SUCLG2: variants seen among roughly 807,000 people sequenced by gnomAD.
The protein encoded by SUCLG2 is succinate--CoA ligase [GDP-forming] subunit beta, mitochondrial.
Under a neutral mutation model 47.9 loss-of-function variants are expected in SUCLG2, and 42 were observed. The observed-to-expected ratio is 0.88, with a 90% CI of 0.69 to 1.14. The LOEUF is 1.14. Among genes scored for constraint, SUCLG2 ranks in the 50% most tolerant of loss-of-function variants. The pLI, the probability that SUCLG2 is intolerant of heterozygous loss-of-function variation, is 0.00. For missense variants in SUCLG2, 571 were observed against 525.9 expected, an observed-to-expected ratio of 1.09 and a Z score of -0.84; for synonymous variants, 195 against 197.3, an observed-to-expected ratio of 0.99 and a Z score of 0.10.
At chr3:67,487,940 T>C (rs1174810189) in intron 9 of SUCLG2, among the ~76,000 whole-genome samples, 1 of 152,072 alleles carries the variant, frequency 6.6e-6, no homozygotes, top group African/African-American at 2.4e-5. Flanking sequence ...AACAGAGCAC[T>C]AGGTTAAGTA....
intron 2 of SUCLG2, among the ~76,000 whole-genome samples, chr3:67,584,951 G>C (rs910902315): frequency 6.6e-6 from 1 of 152,026 alleles, no homozygotes; most frequent in Admixed American, 6.6e-5. Flanking sequence ...AGGATTATGG[G>C]AACTAAAATT....
intron 2 of SUCLG2, among the ~76,000 whole-genome samples, chr3:67,597,887 A>G (rs1047756058): frequency 7.2e-5 from 11 of 151,736 alleles, no homozygotes; most frequent in Non-Finnish European, 1.5e-4. Flanking sequence ...GCAGTCAGCC[A>G]AGATCGTGCC....
At chr3:67,560,538 G>A (rs1012663549) in intron 2 of SUCLG2, among the ~76,000 whole-genome samples, 1 of 152,182 alleles carries the variant, frequency 6.6e-6, no homozygotes, top group African/African-American at 2.4e-5. Context: ...TCTCAACCAG[G>A]AAGGTAAGTA....
At chr3:67,460,586 G>A (rs533211668) in intron 9 of SUCLG2, among the ~76,000 whole-genome samples, 13 of 152,148 alleles carry the variant, frequency 8.5e-5, no homozygotes, top group Admixed American at 8.5e-4. Flanking sequence ...TTCCCCTGAT[G>A]AGGTCATTAA....
chr3:67,408,748 A>C, intron 9 of SUCLG2: 1 of 1,335,860 alleles, frequency 7.5e-7, no homozygotes. Context: ...TTGAGTGTTA[A>C]TTTTCCTAGG....
intron 2 of SUCLG2, among the ~76,000 whole-genome samples, chr3:67,529,814 T>C (rs868600980): frequency 7.2e-5 from 11 of 152,226 alleles, no homozygotes; most frequent in African/African-American, 2.7e-4. Context: ...AATCTTTGTT[T>C]CTCATCACAC....
At chr3:67,404,437 G>C (rs903175073) in intron 9 of SUCLG2, among the ~76,000 whole-genome samples, 6 of 112,022 alleles carry the variant, frequency 5.4e-5, no homozygotes, top group Admixed American at 2.2e-4. Context: ...AAAGGAGAGT[G>C]AGAAGTCATG....
At chr3:67,538,880 A>T (rs900396676) in intron 2 of SUCLG2, among the ~76,000 whole-genome samples, 3 of 152,102 alleles carry the variant, frequency 2.0e-5, no homozygotes, top group Non-Finnish European at 4.4e-5. Context: ...GGTGTATAGG[A>T]ATGCTTGTGA....
chr3:67,576,919 A>AT (rs1203306744), intron 2 of SUCLG2, among the ~76,000 whole-genome samples: 3 of 79,222 alleles, frequency 3.8e-5, no homozygotes, highest in Non-Finnish European at 1.2e-4. Context: ...TTTAATTTTT[A>AT]TTTTATTTTT....
At chr3:67,367,397 AG>A (rs1428115471) in intron 10 of SUCLG2, among the ~76,000 whole-genome samples, 2 of 152,320 alleles carry the variant, frequency 1.3e-5, no homozygotes, top group African/African-American at 4.8e-5. Context: ...AATGTGTAAA[AG>A]CATTTGTATC....
At chr3:67,537,110 G>T (rs1706565950) in intron 2 of SUCLG2, among the ~76,000 whole-genome samples, 4 of 152,196 alleles carry the variant, frequency 2.6e-5, no homozygotes, top group Middle Eastern at 3.4e-3. Context: ...TTGTTACATA[G>T]GTATACATGA....
At chr3:67,415,685 G>A (rs1337559707) in intron 9 of SUCLG2, among the ~76,000 whole-genome samples, 1 of 152,146 alleles carries the variant, frequency 6.6e-6, no homozygotes, top group East Asian at 1.9e-4. Context: ...ATATACACCA[G>A]ATGCAACACA....
rs771132307 is a variant in SUCLG2 at position 67,495,880 on chromosome 3, G to A, written c.980C>T (p.Pro327Leu). 1 of 1,614,052 alleles carries A rather than the reference G, an allele frequency of 6.2e-7. No homozygotes were observed. The highest frequency in any genetic ancestry group is 1.7e-5 in the Admixed American group (1 of 59,990). The part of the protein sequence containing the change: ...CDIIFLNGGK[P>L]ANFLDLGGGV... ...ACCTCCAAGATCCAAGAAGTTGGCT[G>A]GCTTCCCACCATTAAGGAAAATGAT... Residue 327 changes from proline to leucine, a missense_variant, in exon 9 of 11, where the codon CCA becomes CTA. Transcript: ENST00000307227.
rs181096797 is a variant in SUCLG2, at chr3:67,575,950, G to A, written c.226+33505C>T. On this transcript the variant is annotated intron_variant, in intron 2 of 10. Coordinates refer to ENST00000307227, the MANE Select transcript of SUCLG2 (RefSeq NM_003848.4). ...CTAAAGGACTGAAACAGAGAAACTAGGCACTTATCATCAGGCCATTCTTGT... is the reference window on the plus strand; with the variant it reads ...CTAAAGGACTGAAACAGAGAAACTAAGCACTTATCATCAGGCCATTCTTGT... 3.6e-3 allele frequency among the ~76,000 whole-genome samples: 555 copies of A among 152,302 alleles called. 2 individuals are homozygous for A. Among genetic ancestry groups the A allele is most frequent in the African/African-American group, 0.013 (527 of 41,560 alleles).
At position 67,375,383 on chromosome 3, in the gene SUCLG2, G is replaced by A. The variant is rs1174405583; in HGVS notation, c.*361C>T. 1 of 992,486 alleles carries A rather than the reference G, an allele frequency of 1.0e-6. No individual in the cohort carries two copies. The highest frequency in any genetic ancestry group is 1.7e-5 in the African/African-American group (1 of 57,376). The allele number at this position is 992,486 out of a possible 1,614,324, so 61.5% of individuals were successfully genotyped here. On this transcript the variant is annotated 3_prime_UTR_variant, in exon 11 of 11. Coordinates refer to ENST00000307227, the MANE Select transcript of SUCLG2 (RefSeq NM_003848.4). ...TCTGTTTTTCTTTTTCATTATGTAG[G>A]ATTAGATGCCCACCAAAATTCTTGT...
At chr3:67,521,683 A>G (rs758004749) in intron 4 of SUCLG2, among the ~76,000 whole-genome samples, 17 of 151,496 alleles carry the variant, frequency 1.1e-4, no homozygotes, top group African/African-American at 3.4e-4. Context: ...GCTCCCTACA[A>G]CCTCTGCCTC....
chr3:67,496,032 A>T, intron 8 of SUCLG2, 92 bp from the exon 9 acceptor site: 1 of 1,517,626 alleles, frequency 6.6e-7, no homozygotes, highest in Non-Finnish European at 9.0e-7. Flanking sequence ...GCCAAGAGAG[A>T]ACTCTGTCAT....
intron 8 of SUCLG2, among the ~76,000 whole-genome samples, chr3:67,496,620 A>C (rs936301708): frequency 2.6e-5 from 4 of 152,196 alleles, no homozygotes; most frequent in African/African-American, 9.6e-5. Context: ...AATGCTCACC[A>C]GCAACCCAAC....
chr3:67,653,448 G>A (rs1701322898), intron 1 of SUCLG2, among the ~76,000 whole-genome samples: 1 of 152,194 alleles, frequency 6.6e-6, no homozygotes, highest in East Asian at 1.9e-4. Context: ...AATGAAAGGA[G>A]AGGGGTAAAA....
Sources: gnomAD v4.1 joint callset for allele counts (sites outside exome capture counted in the v4.1 genomes callset) on GRCh38, gnomAD v4.1.1 for gene constraint, MANE v1.5 for transcripts, NCBI Gene and HGNC (gene_info 2026-07-23, HGNC 2026-07-21) for gene names.